Variants in SLC19A1 observed in about 807,000 individuals in gnomAD.
The protein encoded by SLC19A1 is solute carrier family 19 member 1.
Under a neutral mutation model 35.3 loss-of-function variants are expected in SLC19A1, and 37 were observed. The ratio of observed to expected loss-of-function variants is 1.05; its 90% CI spans 0.81 to 1.38. The LOEUF is 1.38. SLC19A1 is among the 40% of genes most tolerant of loss of function. SLC19A1 has a pLI of 0.00. For missense variants in SLC19A1, 831 were observed against 826.9 expected, an observed-to-expected ratio of 1.00 and a Z score of -0.06; for synonymous variants, 460 against 398.5, an observed-to-expected ratio of 1.15 and a Z score of -1.84.
downstream of SLC19A1, chr21:45,510,399 C>T: frequency 1.0e-6 from 1 of 999,988 alleles, no homozygotes. Context: ...CTGGCGACTT[C>T]AGGGCAGGCT....
chr21:45,555,238 GGGGGCGGCGCA>G (rs1432839517), intron 1 of SLC19A1, among the ~76,000 whole-genome samples: 42 of 12,384 alleles, frequency 3.4e-3, no homozygotes, highest in South Asian at 0.011. Context: ...GGGCGGCGCA[GGGGGCGGCGCA>G]GGGGGCGGCG....
chr21:45,557,179 G>A (rs1252334033), intron 1 of SLC19A1, among the ~76,000 whole-genome samples: 4 of 152,228 alleles, frequency 2.6e-5, no homozygotes, highest in Non-Finnish European at 5.9e-5. Context: ...GCTGGAGGCT[G>A]GGCCCTGGGG....
Position 45,533,620 on chromosome 21 carries a change from G to GCCAGCAGGGCCCTGCTGGACTCTGGGCCT in SLC19A1, c.190-1501_190-1473dup, listed in dbSNP as rs1481214209. Among the ~76,000 whole-genome samples, 1 of 151,472 alleles carries GCCAGCAGGGCCCTGCTGGACTCTGGGCCT rather than the reference G, an allele frequency of 6.6e-6. No homozygotes were observed. The highest frequency in any genetic ancestry group is 2.4e-5 in the African/African-American group (1 of 41,232). On this transcript the variant is annotated intron_variant, in intron 2 of 5. Coordinates refer to ENST00000311124, the MANE Select transcript of SLC19A1 (RefSeq NM_194255.4). The surrounding 1 kb of genome is among the most constrained non-coding windows in gnomAD (Gnocchi z 4.5). ...TCCACTGGAGGTTGGTACCAGATGA[G>GCCAGCAGGGCCCTGCTGGACTCTGGGCCT]CCAGCAGGGCCCTGCTGGACTCTGG...
chr21:45,554,508 A>G (rs1338022066), intron 1 of SLC19A1, among the ~76,000 whole-genome samples: 1 of 24,020 alleles, frequency 4.2e-5, no homozygotes, highest in Admixed American at 6.5e-4. Flanking sequence ...CTGCGCCCCC[A>G]TCCCACTTTC....
downstream of SLC19A1, among the ~76,000 whole-genome samples, chr21:45,508,656 CAG>C (rs1297138220): frequency 2.0e-5 from 3 of 152,298 alleles, no homozygotes; most frequent in Admixed American, 6.5e-5. Flanking sequence ...GGAGCAGTGT[CAG>C]GGGCTCCACA....
downstream of SLC19A1, chr21:45,512,457 T>G: frequency 1.3e-6 from 2 of 1,550,996 alleles, no homozygotes; most frequent in South Asian, 1.2e-5. Context: ...GCCCCCACCG[T>G]GGGCAGGGAG....
chr21:45,525,713 C>T, intron 5 of SLC19A1, 104 bp downstream of exon 5: 1 of 1,359,048 alleles, frequency 7.4e-7, no homozygotes, highest in Non-Finnish European at 1.0e-6. Context: ...ACCCTGTGCC[C>T]CCAGCCCACA....
At chr21:45,552,350 C>G (rs546050493) in intron 1 of SLC19A1, among the ~76,000 whole-genome samples, 2 of 152,112 alleles carry the variant, frequency 1.3e-5, no homozygotes, top group East Asian at 1.9e-4. Context: ...AGGGAAAGAA[C>G]AAAACTGCCC....
chr21:45,508,428 ATGGATGGTGGGTAAGTGGGTGAG>A (rs946560976), downstream of SLC19A1, among the ~76,000 whole-genome samples: 52 of 115,770 alleles, frequency 4.5e-4, no homozygotes, highest in African/African-American at 1.5e-3. Flanking sequence ...GAATGGGTGG[ATGGATGGTGGGTAAGTGGGTGAG>A]TGGATGGGTG....
chr21:45,530,833 C>A lies in SLC19A1; in HGVS notation c.1088G>T (p.Trp363Leu). 6.5e-7 allele frequency: 1 copy of A among 1,536,130 alleles called. No homozygotes were observed. Among genetic ancestry groups the A allele is most frequent in the East Asian group, 2.4e-5 (1 of 40,890 alleles). ...LAHTRHPSSIWLCYAAFVLFR... is the reference protein window; with the variant it reads ...LAHTRHPSSILLCYAAFVLFR... Reference sequence around the variant, plus strand: ...CAGCACGAAGGCCGCATAGCACAGCCAGATGCTGCTCGGGTGGCGCGTGTG... The same window carrying A: ...CAGCACGAAGGCCGCATAGCACAGCAAGATGCTGCTCGGGTGGCGCGTGTG... Residue 363 changes from tryptophan (W) to leucine (L), a missense_variant, in exon 4 of 6, where the codon TGG becomes TTG. Physicochemically the swap from Trp to Leu is moderately conservative, Grantham distance 61. Transcript: ENST00000311124. The surrounding 1 kb of genome is among the most constrained non-coding windows in gnomAD (Gnocchi z 5.3).
rs55783555 is a variant in SLC19A1, at chr21:45,525,607, G to A, written c.1293+210C>T. Among the ~76,000 whole-genome samples the A allele has an allele frequency of 9.8e-3, 1,497 of 152,230 alleles. 15 individuals are homozygous for A. Among genetic ancestry groups the A allele is most frequent in the East Asian group, 0.027 (141 of 5,168 alleles). On this transcript the variant is annotated intron_variant, in intron 5 of 5. Transcript: ENST00000311124. ...CTCCCACTGAGGCCCAGGGCCTGAC[G>A]GAGGCTCCCGCCCACAACAACTGAG...
chr21:45,507,676 C>G, downstream of SLC19A1: 3 of 1,353,048 alleles, frequency 2.2e-6, no homozygotes, highest in Non-Finnish European at 3.1e-6. Context: ...AGGAACAACA[C>G]GTGGTCCTTT....
At chr21:45,503,051 A>G (rs1054565061) in intron 3 of SLC19A1, 6 of 152,204 alleles carry the variant, frequency 3.9e-5, no homozygotes, top group African/African-American at 1.4e-4. Flanking sequence ...GTGTCTTTAT[A>G]GCAGCATGAT....
rs1003903841 is a variant in SLC19A1, at chr21:45,515,336, G to A, written c.*322C>T. On this transcript the variant is annotated 3_prime_UTR_variant, in exon 6 of 6. Transcript: ENST00000311124. Reference sequence around the variant, plus strand: ...CCAAGAGGCCACTTCACTAGCCCTGGGGGGCAGAAAGGATTTGTCTCAAGC... The same window carrying A: ...CCAAGAGGCCACTTCACTAGCCCTGAGGGGCAGAAAGGATTTGTCTCAAGC... The A allele has an allele frequency of 2.8e-6, 4 of 1,444,546 alleles. No homozygotes were observed. Among genetic ancestry groups the A allele is most frequent in the Admixed American group, 5.9e-5 (2 of 34,112 alleles). The allele number at this position is 1,444,546 out of a possible 1,614,324, so 89.5% of individuals were successfully genotyped here. A position where few individuals can be genotyped will look rare whatever the true frequency, so the allele number is the denominator to read the frequency against.
chr21:45,511,033 CACACA>C (rs1232213767), downstream of SLC19A1: 34 of 337,562 alleles, frequency 1.0e-4, 1 homozygote, highest in Middle Eastern at 6.5e-4. Context: ...ACCCCACATC[CACACA>C]CCCCCCCACA....
At position 45,534,593 on chromosome 21, in the gene SLC19A1, G is replaced by C. The variant is rs1296104554; in HGVS notation, c.190-2445C>G. 2 of 1,535,720 alleles carry C rather than the reference G, an allele frequency of 1.3e-6. No homozygotes were observed. The highest frequency in any genetic ancestry group is 1.2e-5 in the South Asian group (1 of 84,066). On this transcript the variant is annotated intron_variant, in intron 2 of 5. Coordinates refer to ENST00000311124, the MANE Select transcript of SLC19A1 (RefSeq NM_194255.4). The surrounding 1 kb of genome is among the most constrained non-coding windows in gnomAD (Gnocchi z 4.2). Reference sequence around the variant, plus strand: ...TCTTCCACCAGGAGCTGGCTCTGCAGGCTGGGGCCTCATCAGGCACCTCCT... The same window carrying C: ...TCTTCCACCAGGAGCTGGCTCTGCACGCTGGGGCCTCATCAGGCACCTCCT...
chr21:45,556,600 G>A (rs937330318), intron 1 of SLC19A1, among the ~76,000 whole-genome samples: 2 of 152,224 alleles, frequency 1.3e-5, no homozygotes, highest in Admixed American at 6.5e-5. Flanking sequence ...TCAAAACACC[G>A]TGCAGACGAA....
intron 1 of SLC19A1, among the ~76,000 whole-genome samples, chr21:45,556,071 G>A (rs1569032982): frequency 6.6e-6 from 1 of 152,212 alleles, no homozygotes. Context: ...AAGCTGGGGT[G>A]GGGCACACAG....
At chr21:45,520,944 C>T (rs900032526) in intron 5 of SLC19A1, among the ~76,000 whole-genome samples, 1 of 151,446 alleles carries the variant, frequency 6.6e-6, no homozygotes, top group African/African-American at 2.4e-5. Context: ...TGCTTGAACC[C>T]AGGAGGAGGA....
Sources: allele counts gnomAD v4.1 joint callset (sites outside exome capture counted in the v4.1 genomes callset), GRCh38; gene constraint gnomAD v4.1.1; non-coding constraint Gnocchi (gnomAD v3.1); transcripts MANE v1.5; gene names NCBI Gene and HGNC (gene_info 2026-07-23, HGNC 2026-07-21).